The following PCDHGA9 variants were observed in gnomAD, a reference collection of about 807,000 sequenced individuals.
The protein encoded by PCDHGA9 is protocadherin gamma subfamily A, 9.
Under a neutral mutation model 62.5 loss-of-function variants are expected in PCDHGA9, and 37 were observed. The ratio of observed to expected loss-of-function variants is 0.59; its 90% confidence interval spans 0.46 to 0.78. The LOEUF (loss-of-function observed/expected upper bound fraction) is 0.78, where lower values mean the gene tolerates loss of function less well. PCDHGA9 is among the 30% of genes least tolerant of loss of function. The pLI is 0.00. For synonymous variants in PCDHGA9, 459 were observed against 484.6 expected, an observed-to-expected ratio of 0.95 and a Z score of 0.69; for missense variants, 1,138 against 1,166.2, an observed-to-expected ratio of 0.98 and a Z score of 0.35.
intron 1 of PCDHGA9, chr5:141,478,676 G>A (rs540780497): frequency 6.4e-7 from 1 of 1,551,522 alleles, no homozygotes; most frequent in African/African-American, 1.4e-5. Flanking sequence ...CTTTCAACTG[G>A]CCCTTCCTAG....
rs947567666 is a variant in PCDHGA9, at chr5:141,422,270, T to C, written c.2424+16894T>C. ...GATGTGAATGATAACGCTCCAGAAA[T>C]AACTATCACCTCTTCTATTAATTCA... On this transcript the variant is annotated intron_variant, in intron 1 of 3. Transcript: ENST00000573521. 2.6e-6 allele frequency: 4 copies of C among 1,562,452 alleles called. No homozygotes were observed. The East Asian group carries it at 9.0e-5, about 35-fold the overall frequency.
intron 1 of PCDHGA9, among the ~76,000 whole-genome samples, chr5:141,426,065 G>C (rs1214623774): frequency 1.3e-5 from 2 of 152,184 alleles, no homozygotes; most frequent in East Asian, 3.8e-4. Flanking sequence ...GCAAGAACTG[G>C]AGCCTGGGAT....
chr5:141,450,489 CTGTT>C (rs1372781820), intron 1 of PCDHGA9, among the ~76,000 whole-genome samples: 4 of 150,280 alleles, frequency 2.7e-5, no homozygotes, highest in Non-Finnish European at 2.9e-5. Context: ...GTTTGTTTGT[CTGTT>C]TGTTTGTTTT....
intron 3 of PCDHGA9, among the ~76,000 whole-genome samples, chr5:141,506,441 T>C (rs1940889203): frequency 9.8e-6 from 1 of 101,930 alleles, no homozygotes; most frequent in South Asian, 3.0e-4. Flanking sequence ...TCTCGCTCTG[T>C]CTCAAAAAAA....
intron 1 of PCDHGA9, chr5:141,423,134 G>A: frequency 6.2e-7 from 1 of 1,613,680 alleles, no homozygotes; most frequent in South Asian, 1.1e-5. Flanking sequence ...CTGCTGGACA[G>A]AGACGCGCTC....
intron 1 of PCDHGA9, chr5:141,408,114 C>T (rs1191565539): frequency 5.5e-6 from 8 of 1,460,968 alleles, no homozygotes; most frequent in South Asian, 1.4e-5. Context: ...CGGGACTCCT[C>T]CTGTCCTGGG....
At chr5:141,509,536 A>T (rs778275338) in intron 3 of PCDHGA9, among the ~76,000 whole-genome samples, 1 of 152,130 alleles carries the variant, frequency 6.6e-6, no homozygotes, top group Non-Finnish European at 1.5e-5. Context: ...AGGATGAAGC[A>T]CCATCTCATT....
At chr5:141,428,117 G>T in intron 1 of PCDHGA9, 2 of 1,607,102 alleles carry the variant, frequency 1.2e-6, no homozygotes, top group East Asian at 2.2e-5. Context: ...AGGCCATCGA[G>T]CCCGGGCTTT....
chr5:141,403,154 T>G lies in PCDHGA9; in HGVS notation c.202T>G (p.Ser68Ala), dbSNP rs1166937788. The G allele has an allele frequency of 6.2e-7, 1 of 1,614,024 alleles. No individual in the cohort carries two copies. The highest frequency in any genetic ancestry group is 8.5e-7 in the Non-Finnish European group (1 of 1,179,912). Residue 68 changes from serine (S) to alanine (A), a missense_variant, in exon 1 of 4, where the codon TCT becomes GCT. Transcript: ENST00000573521. ...ELAERRVRIV[S>A]RGRTQLFSLN... is the part of the protein sequence containing the mutation. ...GGCGGAGCGCCGAGTCCGCATCGTC[T>G]CTAGAGGTAGGACGCAGCTTTTCTC...
At position 141,418,023 on chromosome 5, in the gene PCDHGA9, G is replaced by A. The variant is rs375588252; in HGVS notation, c.2424+12647G>A. 244 of 1,613,996 alleles carry A rather than the reference G, an allele frequency of 1.5e-4. No individual in the cohort carries two copies. The Middle Eastern group carries it at 3.5e-3, about 23-fold the overall frequency. On this transcript the variant is annotated intron_variant, in intron 1 of 3. Coordinates refer to ENST00000573521, the MANE Select transcript of PCDHGA9 (RefSeq NM_018921.3). ...GTGGGGAACCTCGCTAAGGATCTAGGGCTTAGTGTCCTGGATGTGTCGGCT... is the reference window on the plus strand; with the variant it reads ...GTGGGGAACCTCGCTAAGGATCTAGAGCTTAGTGTCCTGGATGTGTCGGCT...
intron 1 of PCDHGA9, among the ~76,000 whole-genome samples, chr5:141,474,405 GT>G (rs2099348889): frequency 6.6e-6 from 1 of 152,196 alleles, no homozygotes; most frequent in African/African-American, 2.4e-5. Flanking sequence ...AAGCTCCCCG[GT>G]GATGCCTAGA....
At position 141,486,257 on chromosome 5, in the gene PCDHGA9, A is replaced by C; in HGVS notation, c.2425-8550A>C. 6.2e-7 allele frequency: 1 copy of C among 1,614,032 alleles called. No individual in the cohort carries two copies. The highest frequency in any genetic ancestry group is 8.5e-7 in the Non-Finnish European group (1 of 1,179,982). On this transcript the variant is annotated intron_variant, in intron 1 of 3. Transcript: ENST00000573521. The surrounding 1 kb of genome is among the most constrained non-coding windows in gnomAD (Gnocchi z 5.0). ...CTCAGAGCTTGGAACCCTCCCCGAG[A>C]GTGCAGAACCTGGCACTGTGGTGGC... is the stretch of plus-strand genomic sequence containing the variant.
At chr5:141,412,100 C>G (rs1041242156) in intron 1 of PCDHGA9, 2 of 152,180 alleles carry the variant, frequency 1.3e-5, no homozygotes, top group Non-Finnish European at 2.9e-5. Context: ...TGGGCACACA[C>G]AGTTGAAGAT....
At chr5:141,450,792 G>T (rs1222162745) in intron 1 of PCDHGA9, among the ~76,000 whole-genome samples, 2 of 149,686 alleles carry the variant, frequency 1.3e-5, no homozygotes, top group Non-Finnish European at 3.0e-5. Context: ...CGGACCTCAT[G>T]ATTGTATTTA....
rs777288812 is a variant in PCDHGA9 at position 141,487,236 on chromosome 5, G to A, written c.2425-7571G>A. The A allele has an allele frequency of 1.7e-5, 28 of 1,613,962 alleles. No homozygotes were observed. The highest frequency in any genetic ancestry group is 1.4e-4 in the South Asian group (13 of 91,070). On this transcript the variant is annotated intron_variant, in intron 1 of 3. Coordinates refer to ENST00000573521, the MANE Select transcript of PCDHGA9 (RefSeq NM_018921.3). This position sits in a 1 kb window ranked among gnomAD's most constrained non-coding sequence, Gnocchi z 5.0. ...TCAGCTCCAAGGGAAGGAGAATCTC[G>A]TCTAACCCTCTACTTGGCTGTGTCC... is the stretch of plus-strand genomic sequence containing the variant.
At chr5:141,450,355 C>T (rs943649682) in intron 1 of PCDHGA9, among the ~76,000 whole-genome samples, 2 of 152,090 alleles carry the variant, frequency 1.3e-5, no homozygotes, top group Non-Finnish European at 2.9e-5. Context: ...TGAAACAGTT[C>T]CTCAGCCTTG....
intron 1 of PCDHGA9, chr5:141,412,160 G>T (rs952899384): frequency 2.0e-5 from 3 of 152,212 alleles, no homozygotes; most frequent in Middle Eastern, 3.2e-3. Flanking sequence ...TAAGAGAAGA[G>T]ATTATTTATA....
chr5:141,494,894 C>A, intron 2 of PCDHGA9, 29 bp downstream of exon 2: 1 of 1,614,116 alleles, frequency 6.2e-7, no homozygotes, highest in South Asian at 1.1e-5. Flanking sequence ...AGCCCACCCT[C>A]TTCTCTGCGG....
rs1594666821 is a variant in PCDHGA9, at chr5:141,487,316, T to C, written c.2425-7491T>C. 6.2e-7 allele frequency: 1 copy of C among 1,614,164 alleles called. No individual in the cohort carries two copies. Among genetic ancestry groups the C allele is most frequent in the South Asian group, 1.1e-5 (1 of 91,080 alleles). On this transcript the variant is annotated intron_variant, in intron 1 of 3. Coordinates refer to ENST00000573521, the MANE Select transcript of PCDHGA9 (RefSeq NM_018921.3). This position sits in a 1 kb window ranked among gnomAD's most constrained non-coding sequence, Gnocchi z 5.0. ...CTCATTCGTGGCACTACTCTCTAAG[T>C]GTCTTCGTGGGGCAGCCTGTGGAGT... is the stretch of plus-strand genomic sequence containing the variant.
Sources: gnomAD v4.1 joint callset for allele counts (sites outside exome capture counted in the v4.1 genomes callset) on GRCh38, gnomAD v4.1.1 for gene constraint, Gnocchi (gnomAD v3.1) non-coding constraint, MANE v1.5 for transcripts, NCBI Gene and HGNC (gene_info 2026-07-23, HGNC 2026-07-21) for gene names.